CASZ1: variants seen among roughly 807,000 people sequenced by gnomAD.
CASZ1 encodes zinc finger protein castor homolog 1.
CASZ1 carries 28 observed loss-of-function variants against 135.2 expected under a neutral mutation model. The ratio of observed to expected loss-of-function variants is 0.21; its 90% CI spans 0.15 to 0.28. The LOEUF is 0.28. Ranked by LOEUF, CASZ1 falls within the 10% of genes least tolerant of loss-of-function variation. The pLI is 1.00. For missense variants in CASZ1, 2,161 were observed against 2,453.3 expected, an observed-to-expected ratio of 0.88 and a Z score of 2.52; for synonymous variants, 1,068 against 1,073.4, an observed-to-expected ratio of 0.99 and a Z score of 0.10.
chr1:10,638,804 C>T lies in CASZ1; in HGVS notation c.*138G>A, dbSNP rs1255268157. The T allele has an allele frequency of 3.4e-6, 3 of 876,492 alleles. No individual in the cohort carries two copies. Among genetic ancestry groups the T allele is most frequent in the Non-Finnish European group, 4.1e-6 (3 of 730,958 alleles). 54.3% of individuals were successfully genotyped at this position (876,492 alleles called of 1,614,324 possible). A position where few individuals can be genotyped will look rare whatever the true frequency, so the allele number is the denominator to read the frequency against. On this transcript the variant is annotated 3_prime_UTR_variant, in exon 21 of 21. Transcript: ENST00000377022. This position sits in a 1 kb window ranked among gnomAD's most constrained non-coding sequence, Gnocchi z 5.9. ...GGCCGCGGAGCACCAGAGGGGTCCC[C>T]GCCTCTGTCCTGAGACGGACTCGGG...
intron 5 of CASZ1, among the ~76,000 whole-genome samples, chr1:10,663,837 T>C (rs1009473255): frequency 2.0e-5 from 3 of 152,200 alleles, no homozygotes; most frequent in Non-Finnish European, 4.4e-5. Flanking sequence ...CAGGCCCGCC[T>C]CTGCCAGCCC....
intron 3 of CASZ1, chr1:10,704,687 C>T (rs1045304244): frequency 6.6e-6 from 1 of 152,318 alleles, no homozygotes; most frequent in Non-Finnish European, 1.5e-5. Context: ...GTGTCTGTCC[C>T]CCGCCCCGCC....
chr1:10,731,994 C>T (rs1374343827), intron 2 of CASZ1, among the ~76,000 whole-genome samples: 1 of 151,988 alleles, frequency 6.6e-6, no homozygotes, highest in Non-Finnish European at 1.5e-5. Flanking sequence ...TAAAATTTCT[C>T]AGTTTTAATG....
At chr1:10,682,855 C>T (rs553184318) in intron 4 of CASZ1, among the ~76,000 whole-genome samples, 2 of 152,350 alleles carry the variant, frequency 1.3e-5, no homozygotes, top group East Asian at 3.9e-4. Flanking sequence ...CCCTTGGAGG[C>T]GTGGTGCCAT....
intron 1 of CASZ1, among the ~76,000 whole-genome samples, chr1:10,787,149 A>T (rs538945029): frequency 6.6e-6 from 1 of 152,384 alleles, no homozygotes; most frequent in African/African-American, 2.4e-5. Context: ...GTCAGAGGCC[A>T]TTTGACAAGA....
rs1386668417 is a variant in CASZ1 at position 10,747,745 on chromosome 1, A to G, written c.-77+12956T>C. 6.6e-6 allele frequency among the ~76,000 whole-genome samples: 1 copy of G among 151,658 alleles called. No individual in the cohort carries two copies. The highest frequency in any genetic ancestry group is 1.9e-4 in the East Asian group (1 of 5,160). On this transcript the variant is annotated intron_variant, in intron 2 of 20. Transcript: ENST00000377022. The surrounding 1 kb of genome is among the most constrained non-coding windows in gnomAD (Gnocchi z 4.3). ...TGCCTGGAATTAGGGGTGTCTCACC[A>G]CACCTAGCTCCCCCTCCAGAATGAG...
intron 2 of CASZ1, among the ~76,000 whole-genome samples, chr1:10,728,893 C>A (rs1639645055): frequency 6.6e-6 from 1 of 152,180 alleles, no homozygotes; most frequent in Admixed American, 6.5e-5. Context: ...ACGGGGGCCG[C>A]AGGCCCTTTG....
In CASZ1 at chr1:10,665,234, G is replaced by A. The variant is rs753413215; in HGVS notation, c.354C>T (p.Pro118=). ...GGGGCTGCACCATGTAGACACCCTCGGGAGGCAGCTCCAGGCCCTCGCGGG... is the reference window on the plus strand; with the variant it reads ...GGGGCTGCACCATGTAGACACCCTCAGGAGGCAGCTCCAGGCCCTCGCGGG... ...RIAREGLELP[P]EGVYMVQPQG... The change falls in exon 5 of 21, where the codon CCC becomes CCT. Residue 118 remains proline, a synonymous_variant. Coordinates refer to ENST00000377022, the MANE Select transcript of CASZ1 (RefSeq NM_001079843.3). 2.4e-5 allele frequency: 38 copies of A among 1,599,864 alleles called. No individual in the cohort carries two copies. Among genetic ancestry groups the A allele is most frequent in the East Asian group, 1.1e-4 (5 of 44,708 alleles).
chr1:10,639,119 G>GTCGTCCTCGTCGTCGTCC lies in CASZ1; in HGVS notation c.5085_5102dup (p.Glu1695_Asp1700dup), dbSNP rs1553123336. The GTCGTCCTCGTCGTCGTCC allele has an allele frequency of 4.2e-5, 49 of 1,153,206 alleles. 1 individual carries two copies. In the African/African-American group the frequency reaches 4.7e-4, roughly 11 times the overall value. 71.4% of individuals were successfully genotyped at this position (1,153,206 alleles called of 1,614,324 possible). A position where few individuals can be genotyped will look rare whatever the true frequency, so the allele number is the denominator to read the frequency against. ...CGTCCTCGTCGTCGTCCTCGTCGTC[G>GTCGTCCTCGTCGTCGTCC]TCGTCCTCGTCGTCGTCCTCGTCCT... On this transcript the variant is annotated inframe_insertion, in exon 21 of 21. Transcript: ENST00000377022. The surrounding 1 kb of genome is among the most constrained non-coding windows in gnomAD (Gnocchi z 4.0).
intron 2 of CASZ1, among the ~76,000 whole-genome samples, chr1:10,749,472 C>G (rs888723468): frequency 3.9e-5 from 6 of 152,172 alleles, no homozygotes; most frequent in Admixed American, 3.3e-4. Flanking sequence ...TGGTCTCGAT[C>G]TCCTGATCTT....
rs1343832205 is a variant in CASZ1 at position 10,735,887 on chromosome 1, G to A, written c.-77+24814C>T. ...GGGGCAGCCCCAGGCACATCAGGTT[G>A]AAAATGTGCTTTTTCAGCCAGCTCT... On this transcript the variant is annotated intron_variant, in intron 2 of 20. Coordinates refer to ENST00000377022, the MANE Select transcript of CASZ1 (RefSeq NM_001079843.3). This position sits in a 1 kb window ranked among gnomAD's most constrained non-coding sequence, Gnocchi z 5.1. 6.6e-6 allele frequency among the ~76,000 whole-genome samples: 1 copy of A among 152,128 alleles called. No individual in the cohort carries two copies. The highest frequency in any genetic ancestry group is 1.5e-5 in the Non-Finnish European group (1 of 68,010).
At position 10,639,894 on chromosome 1, in the gene CASZ1, C is replaced by T; in HGVS notation, c.4328G>A (p.Cys1443Tyr). Residue 1443 changes from cysteine to tyrosine, a missense_variant, in exon 21 of 21, where the codon TGC becomes TAC. Cys to Tyr is a radical substitution (Grantham distance 194, BLOSUM62 -2). Coordinates refer to ENST00000377022, the MANE Select transcript of CASZ1 (RefSeq NM_001079843.3). The surrounding 1 kb of genome is among the most constrained non-coding windows in gnomAD (Gnocchi z 4.0). ...CGAGAACTGACAAGCTGCGTCCTTG[C>T]AGTCCTCGTAAAGGTCGAAGCGCCG... ...GFRRFDLYED[C>Y]KDAACQFSLK... The T allele has an allele frequency of 1.9e-6, 3 of 1,612,786 alleles. No individual in the cohort carries two copies. Among genetic ancestry groups the T allele is most frequent in the Non-Finnish European group, 2.5e-6 (3 of 1,179,938 alleles).
Position 10,735,441 on chromosome 1 carries a change from G to A in CASZ1, c.-77+25260C>T, listed in dbSNP as rs376799782. 3.3e-5 allele frequency among the ~76,000 whole-genome samples: 5 copies of A among 152,290 alleles called. No homozygotes were observed. In the East Asian group the frequency reaches 9.7e-4, roughly 29 times the overall value. The stretch of plus-strand genomic sequence containing the variant: ...GGGGGACTGGCGGAGTCAGGCGCCA[G>A]GGCTGCCTCCCTCTGCTCCCGCTGC... On this transcript the variant is annotated intron_variant, in intron 2 of 20. Coordinates refer to ENST00000377022, the MANE Select transcript of CASZ1 (RefSeq NM_001079843.3). This position sits in a 1 kb window ranked among gnomAD's most constrained non-coding sequence, Gnocchi z 5.1.
chr1:10,644,709 C>G (rs778581257), intron 18 of CASZ1, among the ~76,000 whole-genome samples: 9 of 152,248 alleles, frequency 5.9e-5, no homozygotes, highest in Non-Finnish European at 1.0e-4. Flanking sequence ...GCGTGAGTCA[C>G]CCCCACTCTT....
Position 10,748,999 on chromosome 1 carries a change from C to T in CASZ1, c.-77+11702G>A, listed in dbSNP as rs1399020372. 3.3e-5 allele frequency among the ~76,000 whole-genome samples: 5 copies of T among 152,224 alleles called. No individual in the cohort carries two copies. The East Asian group carries it at 7.7e-4, about 24-fold the overall frequency. ...TCAGGTTGCAGGCATCAGGATGAGA[C>T]GTGGGATTCCTCTTTGATGAGGAGC... On this transcript the variant is annotated intron_variant, in intron 2 of 20. Coordinates refer to ENST00000377022, the MANE Select transcript of CASZ1 (RefSeq NM_001079843.3).
intron 4 of CASZ1, among the ~76,000 whole-genome samples, chr1:10,675,792 ACC>A (rs373360825): frequency 1.9e-5 from 2 of 106,492 alleles, no homozygotes; most frequent in African/African-American, 6.8e-5. Context: ...CTAGCACATG[ACC>A]CCCCCCCCAC....
rs920461824 is a variant in CASZ1, at chr1:10,697,775, A to G, written c.-23-3863T>C. ...TATTGCACCCCACCCCAGGATCCCA[A>G]TAAACTGGTTCCATCTGAGGCGACT... On this transcript the variant is annotated intron_variant, in intron 3 of 20. Coordinates refer to ENST00000377022, the MANE Select transcript of CASZ1 (RefSeq NM_001079843.3). The surrounding 1 kb of genome is among the most constrained non-coding windows in gnomAD (Gnocchi z 4.7). Among the ~76,000 whole-genome samples the G allele has an allele frequency of 6.6e-6, 1 of 152,230 alleles. No homozygotes were observed. The highest frequency in any genetic ancestry group is 1.5e-5 in the Non-Finnish European group (1 of 68,038).
At chr1:10,765,031 G>C (rs1433769585) in intron 1 of CASZ1, among the ~76,000 whole-genome samples, 1 of 152,190 alleles carries the variant, frequency 6.6e-6, no homozygotes, top group East Asian at 1.9e-4. Flanking sequence ...TAAGGGGAAA[G>C]CAAAAGGGCT....
chr1:10,685,159 A>G (rs1007494544), intron 4 of CASZ1, among the ~76,000 whole-genome samples: 2 of 152,252 alleles, frequency 1.3e-5, no homozygotes, highest in African/African-American at 4.8e-5. Context: ...TCTTAAAGCA[A>G]TTACCAAGGC....
Sources: gnomAD v4.1 joint callset for allele counts (sites outside exome capture counted in the v4.1 genomes callset) on GRCh38, gnomAD v4.1.1 for gene constraint, Gnocchi (gnomAD v3.1) non-coding constraint, MANE v1.5 for transcripts, NCBI Gene and HGNC (gene_info 2026-07-23, HGNC 2026-07-21) for gene names.